The following CUL3 variants were observed in gnomAD, a reference collection of about 807,000 sequenced individuals.
CUL3 encodes cullin-3.
A neutral mutation model predicts 89.1 loss-of-function variants in CUL3; 19 were observed. That is an observed-to-expected ratio of 0.21 (90% confidence interval 0.15 to 0.31). The LOEUF (loss-of-function observed/expected upper bound fraction) is 0.31, where lower values mean the gene tolerates loss of function less well. Ranked by LOEUF, CUL3 falls within the 10% of genes least tolerant of loss-of-function variation. The pLI, the probability that CUL3 is intolerant of heterozygous loss-of-function variation, is 1.00. For missense variants in CUL3, 469 were observed against 942.3 expected (o/e 0.50, Z 6.58); for synonymous variants, 351 against 308.4 (o/e 1.14, Z -1.45).
chr2:224,584,603 G>A (rs1040574741), intron 1 of CUL3, among the ~76,000 whole-genome samples: 1 of 151,904 alleles, frequency 6.6e-6, no homozygotes, highest in Admixed American at 6.5e-5. Context: ...GCTGCTAGCA[G>A]CGCCGGAGAC....
At chr2:224,486,091 A>G (rs1273509599) in intron 13 of CUL3, among the ~76,000 whole-genome samples, 1 of 152,250 alleles carries the variant, frequency 6.6e-6, no homozygotes, top group Non-Finnish European at 1.5e-5. Flanking sequence ...ATGCCCATGC[A>G]AAAACCCCAT....
intron 2 of CUL3, among the ~76,000 whole-genome samples, chr2:224,542,426 A>T (rs1203109010): frequency 6.6e-6 from 1 of 152,018 alleles, no homozygotes; most frequent in Non-Finnish European, 1.5e-5. Context: ...CCTGGGCACA[A>T]GTGATGCTCC....
chr2:224,579,137 T>A (rs2934607), intron 1 of CUL3, among the ~76,000 whole-genome samples: 1 of 152,200 alleles, frequency 6.6e-6, no homozygotes, highest in Non-Finnish European at 1.5e-5. Context: ...AATAAATACT[T>A]TGTTAATAAC....
chr2:224,549,299 C>CA (rs1255687258), intron 2 of CUL3, among the ~76,000 whole-genome samples: 1 of 147,762 alleles, frequency 6.8e-6, no homozygotes, highest in Non-Finnish European at 1.5e-5. Context: ...GCCTGGGCGA[C>CA]AGCAAGACCT....
chr2:224,525,004 A>C (rs1358786835), intron 3 of CUL3, among the ~76,000 whole-genome samples: 4 of 142,934 alleles, frequency 2.8e-5, no homozygotes, highest in Non-Finnish European at 6.3e-5. Context: ...TACACTTATT[A>C]ATCTAAAGAA....
At chr2:224,545,978 T>C (rs1041338812) in intron 2 of CUL3, among the ~76,000 whole-genome samples, 13 of 152,196 alleles carry the variant, frequency 8.5e-5, no homozygotes, top group South Asian at 2.1e-4. Flanking sequence ...GGTCTTAAAA[T>C]AGTATGACTT....
At chr2:224,522,389 CT>C (rs1693301874) in intron 3 of CUL3, among the ~76,000 whole-genome samples, 1 of 151,260 alleles carries the variant, frequency 6.6e-6, no homozygotes, top group Non-Finnish European at 1.5e-5. Flanking sequence ...ATACCAGTAA[CT>C]GACTACACTT....
intron 2 of CUL3, among the ~76,000 whole-genome samples, chr2:224,544,587 A>C (rs72974208): frequency 6.6e-6 from 1 of 151,858 alleles, no homozygotes; most frequent in African/African-American, 2.4e-5. Context: ...TCAGTCCTGC[A>C]TTAATCACAT....
chr2:224,485,566 CTT>C lies in CUL3; in HGVS notation c.1843-3490_1843-3489del, dbSNP rs1395994623. On this transcript the variant is annotated intron_variant, in intron 13 of 15. Coordinates refer to ENST00000264414, the MANE Select transcript of CUL3 (RefSeq NM_003590.5). The surrounding 1 kb of genome is among the most constrained non-coding windows in gnomAD (Gnocchi z 4.1). ...GGCCAAACTGCCTCTCTAGATTCCT[CTT>C]GACTGGGCAGGGCATCTCGGAAAGA... 2.0e-5 allele frequency among the ~76,000 whole-genome samples: 3 copies of C among 152,192 alleles called. No individual in the cohort carries two copies. The highest frequency in any genetic ancestry group is 2.9e-5 in the Non-Finnish European group (2 of 68,026).
chr2:224,512,543 T>C (rs540676071), intron 5 of CUL3, among the ~76,000 whole-genome samples: 40 of 152,346 alleles, frequency 2.6e-4, no homozygotes, highest in Admixed American at 1.5e-3. Context: ...TACTCAATTA[T>C]TGTTGTTATC....
At chr2:224,554,613 T>C (rs1321883426) in intron 2 of CUL3, among the ~76,000 whole-genome samples, 1 of 152,210 alleles carries the variant, frequency 6.6e-6, no homozygotes, top group Non-Finnish European at 1.5e-5. Flanking sequence ...TCTTCATTTG[T>C]AAAACAGACA....
At chr2:224,583,731 A>C (rs1049500484) in intron 1 of CUL3, among the ~76,000 whole-genome samples, 1 of 152,222 alleles carries the variant, frequency 6.6e-6, no homozygotes, top group Admixed American at 6.5e-5. Context: ...AAATTTTAGG[A>C]ATTCAGAGAG....
intron 13 of CUL3, 50 bp from the exon 14 acceptor site, chr2:224,482,128 T>G (rs1342629631): frequency 2.1e-6 from 3 of 1,446,964 alleles, no homozygotes; most frequent in Non-Finnish European, 2.8e-6. Flanking sequence ...AGATTAAAGT[T>G]AGTTAATTAG....
chr2:224,568,737 C>T (rs896294387), intron 1 of CUL3, among the ~76,000 whole-genome samples: 5 of 152,148 alleles, frequency 3.3e-5, no homozygotes, highest in Admixed American at 1.3e-4. Context: ...AAAGGGTAGA[C>T]GAAATAGGCC....
Position 224,478,289 on chromosome 2 carries a change from C to T in CUL3, c.2086G>A (p.Asp696Asn). The change falls in exon 15 of 16, where the codon GAC becomes AAC. Residue 696 changes from aspartate (D) to asparagine (N), a missense_variant. Transcript: ENST00000264414. Reference protein sequence around the residue: ...PERKETRQKVDDDRKHEIEAA... With the variant: ...PERKETRQKVNDDRKHEIEAA... Reference sequence around the variant, plus strand: ...TCTATCTCATGTTTTCTGTCGTCGTCTACTTTCTGCCTTGTTTCTTTCCTC... The same window carrying T: ...TCTATCTCATGTTTTCTGTCGTCGTTTACTTTCTGCCTTGTTTCTTTCCTC... The T allele has an allele frequency of 6.2e-7, 1 of 1,613,802 alleles. No homozygotes were observed. The highest frequency in any genetic ancestry group is 2.2e-5 in the East Asian group (1 of 44,854).
intron 15 of CUL3, among the ~76,000 whole-genome samples, chr2:224,476,683 C>G (rs1407934767): frequency 1.3e-5 from 2 of 152,220 alleles, no homozygotes; most frequent in African/African-American, 4.8e-5. Context: ...ACATCTGTGT[C>G]AGTACACTAC....
intron 11 of CUL3, chr2:224,499,475 C>T (rs1692291644): frequency 4.2e-6 from 1 of 239,326 alleles, no homozygotes; most frequent in South Asian, 7.8e-5. Context: ...CAGTTTCTTC[C>T]CAGTTGTTTT....
intron 13 of CUL3, 64 bp from the exon 14 acceptor site, chr2:224,482,142 G>C (rs2106152885): frequency 7.8e-7 from 1 of 1,285,490 alleles, no homozygotes; most frequent in Non-Finnish European, 1.1e-6. Flanking sequence ...TAATTAGCAA[G>C]TAAACTGACC....
chr2:224,486,549 G>A (rs1334645578), intron 13 of CUL3, among the ~76,000 whole-genome samples: 1 of 150,650 alleles, frequency 6.6e-6, no homozygotes, highest in East Asian at 2.0e-4. Flanking sequence ...GAAATAAAGC[G>A]TGAAGACAAG....
Sources: allele counts gnomAD v4.1 joint callset (sites outside exome capture counted in the v4.1 genomes callset), GRCh38; gene constraint gnomAD v4.1.1; non-coding constraint Gnocchi (gnomAD v3.1); transcripts MANE v1.5; gene names NCBI Gene and HGNC (gene_info 2026-07-23, HGNC 2026-07-21).